Variants in SEC14L5 observed in about 807,000 individuals in gnomAD.
The protein encoded by SEC14L5 is SEC14 like lipid binding 5, also known as SEC14-like protein 5.
Under a neutral mutation model 84.6 loss-of-function variants are expected in SEC14L5, and 96 were observed. The observed-to-expected ratio is 1.13, with a 90% CI of 0.96 to 1.34. The LOEUF is 1.34. Among genes scored for constraint, SEC14L5 ranks in the 40% most tolerant of loss-of-function variants. The probability of loss-of-function intolerance (pLI) is 0.00; values close to 1 mark genes in which losing one functional copy is unlikely to be tolerated. For missense variants in SEC14L5, 1,224 were observed against 942.5 expected, an observed-to-expected ratio of 1.30 and a Z score of -3.91; for synonymous variants, 546 against 383.4, an observed-to-expected ratio of 1.42 and a Z score of -4.95.
Position 5,000,896 on chromosome 16 carries a change from G to T in SEC14L5, c.1101G>T (p.Gly367=), listed in dbSNP as rs2286966. The T allele has an allele frequency of 5.0e-6, 8 of 1,607,126 alleles. No individual in the cohort carries two copies. Among genetic ancestry groups the T allele is most frequent in the Non-Finnish European group, 6.8e-6 (8 of 1,176,886 alleles). Residue 367 remains glycine, a synonymous_variant, in exon 10 of 16, where the codon GGG becomes GGT. Coordinates refer to ENST00000251170, the MANE Select transcript of SEC14L5 (RefSeq NM_014692.2). ...VNEEGQKRCE[G]STRQLGRPIS... Reference sequence around the variant, plus strand: ...AGGAAGGACAGAAGCGGTGTGAGGGGAGCACAAGGCAGCTGGGCCGTCCCA... The same window carrying T: ...AGGAAGGACAGAAGCGGTGTGAGGGTAGCACAAGGCAGCTGGGCCGTCCCA...
rs1955089521 is a variant in SEC14L5 at position 4,959,288 on chromosome 16, C to T, written c.-36C>T. 1 of 1,574,450 alleles carries T rather than the reference C, an allele frequency of 6.4e-7. No homozygotes were observed. Among genetic ancestry groups the T allele is most frequent in the Non-Finnish European group, 8.7e-7 (1 of 1,143,718 alleles). The stretch of plus-strand genomic sequence containing the variant: ...CTCGCCCCAGGCTCTGTGCACACCC[C>T]TGCCTGGTGACCTCCATTGGTGCTC... On this transcript the variant is annotated 5_prime_UTR_variant, in exon 2 of 16. Transcript: ENST00000251170.
intron 2 of SEC14L5, among the ~76,000 whole-genome samples, chr16:4,983,992 C>G (rs56743241): frequency 0.016 from 2,429 of 152,122 alleles, 36 homozygotes; most frequent in African/African-American, 0.047. Flanking sequence ...GAGAAAGACA[C>G]TTTTTTAAAG....
chr16:4,996,917 C>T lies in SEC14L5; in HGVS notation c.843C>T (p.Ala281=). Reference sequence around the variant, plus strand: ...CTCATGACTTCCACCTGGACAAGGCCCGGGAAATGCTGCGCCAGTCCTTGA... The same window carrying T: ...CTCATGACTTCCACCTGGACAAGGCTCGGGAAATGCTGCGCCAGTCCTTGA... ...LRAHDFHLDK[A]REMLRQSLSW... The change falls in exon 8 of 16, where the codon GCC becomes GCT. Residue 281 remains alanine (A), a synonymous_variant. Coordinates refer to ENST00000251170, the MANE Select transcript of SEC14L5 (RefSeq NM_014692.2). 1.2e-6 allele frequency: 2 copies of T among 1,613,726 alleles called. No homozygotes were observed. Among genetic ancestry groups the T allele is most frequent in the Non-Finnish European group, 1.7e-6 (2 of 1,179,804 alleles).
intron 2 of SEC14L5, among the ~76,000 whole-genome samples, chr16:4,963,021 A>G (rs1465655685): frequency 1.3e-5 from 2 of 152,208 alleles, no homozygotes; most frequent in Admixed American, 6.5e-5. Context: ...AGATGAACTC[A>G]GCTATTTTCA....
intron 2 of SEC14L5, 93 bp downstream of exon 2, chr16:4,959,479 C>A: frequency 9.3e-7 from 1 of 1,078,072 alleles, no homozygotes; most frequent in South Asian, 1.3e-5. Flanking sequence ...CTTAGACTCC[C>A]AGATCAGAAG....
chr16:4,985,131 G>T (rs1955469454), intron 2 of SEC14L5, among the ~76,000 whole-genome samples: 1 of 151,996 alleles, frequency 6.6e-6, no homozygotes, highest in Non-Finnish European at 1.5e-5. Context: ...AAAAACCATT[G>T]CTTAATCCAA....
At chr16:4,966,441 A>G (rs940978677) in intron 2 of SEC14L5, among the ~76,000 whole-genome samples, 1 of 150,214 alleles carries the variant, frequency 6.7e-6, no homozygotes, top group Non-Finnish European at 1.5e-5. Flanking sequence ...GCCCAGCTAA[A>G]TTTTTGTATT....
At chr16:4,959,139 G>A (rs547494893) in intron 1 of SEC14L5, 134 bp from the exon 2 acceptor site, 3 of 610,130 alleles carry the variant, frequency 4.9e-6, no homozygotes, top group Non-Finnish European at 8.9e-6. Context: ...AATTTGGGGG[G>A]AATATCAGCC....
intron 5 of SEC14L5, among the ~76,000 whole-genome samples, chr16:4,991,217 A>G (rs1228070985): frequency 1.4e-5 from 2 of 141,876 alleles, no homozygotes; most frequent in South Asian, 4.5e-4. Flanking sequence ...TGCTCTAAAG[A>G]CCTCAGATCC....
intron 2 of SEC14L5, among the ~76,000 whole-genome samples, chr16:4,977,855 C>T (rs1955365845): frequency 6.6e-6 from 1 of 151,622 alleles, no homozygotes; most frequent in Non-Finnish European, 1.5e-5. Context: ...GGCTGGAGTA[C>T]AGTGGCATGA....
intron 14 of SEC14L5, among the ~76,000 whole-genome samples, chr16:5,010,170 C>T (rs1955782304): frequency 7.6e-6 from 1 of 132,248 alleles, no homozygotes; most frequent in African/African-American, 2.8e-5. Flanking sequence ...TGGTGAAACT[C>T]CGTCTCTACT....
chr16:4,982,905 C>T (rs1170108558), intron 2 of SEC14L5, among the ~76,000 whole-genome samples: 6 of 152,062 alleles, frequency 3.9e-5, no homozygotes, highest in African/African-American at 1.4e-4. Context: ...ACAGGAAGCA[C>T]ATTACTGAAT....
chr16:4,990,370 C>G (rs1456105376), intron 4 of SEC14L5, among the ~76,000 whole-genome samples: 1 of 152,202 alleles, frequency 6.6e-6, no homozygotes, highest in Non-Finnish European at 1.5e-5. Context: ...ACCATGTTGG[C>G]CAGGCTCGTC....
chr16:5,003,444 G>T lies in SEC14L5; in HGVS notation c.1173G>T (p.Arg391=). The T allele has an allele frequency of 6.2e-7, 1 of 1,613,448 alleles. No homozygotes were observed. Among genetic ancestry groups the T allele is most frequent in the Non-Finnish European group, 8.5e-7 (1 of 1,179,732 alleles). ...TAGACCTGGAGGGACTCAACATGCGGCACCTGTGGCGGCCGGGGGTGAAGG... is the reference window on the plus strand; with the variant it reads ...TAGACCTGGAGGGACTCAACATGCGTCACCTGTGGCGGCCGGGGGTGAAGG... The part of the protein sequence containing the change: ...CLLDLEGLNM[R]HLWRPGVKAL... Residue 391 remains arginine, a synonymous_variant, in exon 11 of 16, where the codon CGG becomes CGT. Transcript: ENST00000251170.
chr16:5,003,066 C>A (rs528754873), intron 10 of SEC14L5, among the ~76,000 whole-genome samples: 17 of 152,330 alleles, frequency 1.1e-4, no homozygotes, highest in African/African-American at 3.8e-4. Context: ...GTGTGCCCGT[C>A]CTTGCAGAGA....
At position 5,014,982 on chromosome 16, in the gene SEC14L5, G is replaced by A. The variant is rs59506975; in HGVS notation, c.*12G>A. On this transcript the variant is annotated 3_prime_UTR_variant, in exon 16 of 16. Coordinates refer to ENST00000251170, the MANE Select transcript of SEC14L5 (RefSeq NM_014692.2). ...TGGTCTCCAGATAGCCGGGCCCAGT[G>A]TTTCAGGGCCGCCCGCTCGCCTCCA... The A allele has an allele frequency of 3.0e-3, 4,848 of 1,590,418 alleles. 62 individuals are homozygous for A. Among genetic ancestry groups the A allele is most frequent in the African/African-American group, 0.026 (1,909 of 74,732 alleles).
intron 2 of SEC14L5, among the ~76,000 whole-genome samples, chr16:4,983,883 A>G: frequency 1.1e-5 from 1 of 91,892 alleles, no homozygotes; most frequent in East Asian, 2.2e-4. Flanking sequence ...GTCTCAAATA[A>G]ATAAATAAAT....
chr16:4,986,706 C>A (rs1156806594), intron 2 of SEC14L5, among the ~76,000 whole-genome samples: 3 of 152,128 alleles, frequency 2.0e-5, no homozygotes, highest in Non-Finnish European at 4.4e-5. Flanking sequence ...TAATTTTTTT[C>A]AGCAAATGTT....
intron 8 of SEC14L5, among the ~76,000 whole-genome samples, chr16:5,000,000 A>C (rs1955657237): frequency 1.3e-5 from 2 of 152,028 alleles, no homozygotes. Flanking sequence ...GTTGACAAAA[A>C]GTATTATGGG....
Sources: gnomAD v4.1 joint callset for allele counts (sites outside exome capture counted in the v4.1 genomes callset) on GRCh38, gnomAD v4.1.1 for gene constraint, MANE v1.5 for transcripts, NCBI Gene and HGNC (gene_info 2026-07-23, HGNC 2026-07-21) for gene names.